TAF2: variants seen among roughly 807,000 people sequenced by gnomAD.
The protein encoded by TAF2 is TATA-box binding protein associated factor 2, also known as transcription initiation factor TFIID subunit 2.
TAF2 carries 61 observed loss-of-function variants against 138.5 expected under a neutral mutation model. The observed-to-expected ratio is 0.44, with a 90% CI of 0.36 to 0.54. TAF2 has a LOEUF of 0.54. Among genes scored for constraint, TAF2 ranks in the 20% least tolerant of loss-of-function variants. The pLI, the probability that TAF2 is intolerant of heterozygous loss-of-function variation, is 0.00. For synonymous variants in TAF2, 475 were observed against 469.9 expected (o/e 1.01, Z -0.14); for missense variants, 1,090 against 1,427.9 (o/e 0.76, Z 3.81).
At chr8:119,829,186 A>G (rs78365579) in intron 2 of TAF2, among the ~76,000 whole-genome samples, 2,563 of 152,262 alleles carry the variant, frequency 0.017, 67 homozygotes, top group African/African-American at 0.059. Context: ...AGTTGCATTA[A>G]CTGGGCTCTA....
rs982194376 is a variant in TAF2, at chr8:119,777,997, T to C, written c.2364+22A>G. 3.9e-6 allele frequency: 5 copies of C among 1,282,894 alleles called. No individual in the cohort carries two copies. The African/African-American group carries it at 7.4e-5, about 19-fold the overall frequency. 79.5% of individuals were successfully genotyped at this position (1,282,894 alleles called of 1,614,324 possible). On this transcript the variant is annotated intron_variant, in intron 18 of 25. Transcript: ENST00000378164. ...TATCTAAGACAACTGTTGTAGAAGA[T>C]TTAAAAATAAAAGTACCTCACCTTA...
chr8:119,793,242 G>C (rs1823566796), intron 10 of TAF2, 124 bp downstream of exon 10: 3 of 755,030 alleles, frequency 4.0e-6, no homozygotes, highest in Admixed American at 2.4e-5. Flanking sequence ...CTTTAGCAAA[G>C]AATAGCAATA....
At chr8:119,746,547 T>C (rs967442723) in intron 23 of TAF2, among the ~76,000 whole-genome samples, 158 bp downstream of exon 23, 4 of 152,144 alleles carry the variant, frequency 2.6e-5, no homozygotes, top group African/African-American at 9.7e-5. Flanking sequence ...CATTTTATAA[T>C]TGGCACAGTA....
chr8:119,779,405 C>T (rs1822488290), intron 17 of TAF2, among the ~76,000 whole-genome samples: 1 of 151,862 alleles, frequency 6.6e-6, no homozygotes, highest in African/African-American at 2.4e-5. Flanking sequence ...TTTCATGATC[C>T]CTTCACTAAT....
In TAF2 at chr8:119,788,804, T is replaced by C. The variant is rs890364137; in HGVS notation, c.1669A>G (p.Thr557Ala). The C allele has an allele frequency of 1.2e-6, 2 of 1,613,128 alleles. No individual in the cohort carries two copies. Among genetic ancestry groups the C allele is most frequent in the Non-Finnish European group, 8.5e-7 (1 of 1,179,136 alleles). ...EIKQDYTSPG[T>A]QKYVGPLKVT... Reference sequence around the variant, plus strand: ...AAAAGACTTACCACGTATTTCTGAGTTCCAGGAGATGTATAGTCCTGTTTT... The same window carrying C: ...AAAAGACTTACCACGTATTTCTGAGCTCCAGGAGATGTATAGTCCTGTTTT... Residue 557 changes from threonine to alanine, a missense_variant, in exon 13 of 26, where the codon ACT becomes GCT. Coordinates refer to ENST00000378164, the MANE Select transcript of TAF2 (RefSeq NM_003184.4).
intron 2 of TAF2, 128 bp from the exon 3 acceptor site, chr8:119,819,634 A>T: frequency 1.4e-6 from 1 of 725,126 alleles, no homozygotes; most frequent in African/African-American, 1.7e-5. Context: ...ACATACATAC[A>T]TATGCTCTCC....
At position 119,732,041 on chromosome 8, in the gene TAF2, A is replaced by T. The variant is rs1447605387; in HGVS notation, c.3483T>A (p.His1161Gln). The T allele has an allele frequency of 6.2e-7, 1 of 1,613,972 alleles. No individual in the cohort carries two copies. ...HHEHKKKKKK[H>Q]KHKHKHKHKH... ...TATGCTTGTGTTTGTGCTTATGTTT[A>T]TGCTTCTTCTTCTTTTTCTTGTGCT... The change falls in exon 26 of 26, where the codon CAT becomes CAA. Residue 1161 changes from histidine to glutamine, a missense_variant. His to Gln is a conservative substitution (Grantham distance 24). Transcript: ENST00000378164.
At position 119,804,036 on chromosome 8, in the gene TAF2, T is replaced by A; in HGVS notation, c.419-17A>T. The A allele has an allele frequency of 2.5e-6, 4 of 1,613,458 alleles. No individual in the cohort carries two copies. The highest frequency in any genetic ancestry group is 3.4e-6 in the Non-Finnish European group (4 of 1,179,780). ...CCTTTAACTCTGCAACAAATAAACA[T>A]ATACACACATTGATACATAAGTTAC... On this transcript the variant is annotated splice_polypyrimidine_tract_variant and intron_variant, in intron 4 of 25. Transcript: ENST00000378164.
chr8:119,742,144 A>G lies in TAF2; in HGVS notation c.3337+390T>C, dbSNP rs976546900. 5.6e-4 allele frequency among the ~76,000 whole-genome samples: 85 copies of G among 152,216 alleles called. 3 individuals are homozygous for G. Among genetic ancestry groups the G allele is most frequent in the Non-Finnish European group, 1.6e-4 (11 of 68,038 alleles). ...TTATGCGTTTATATCTTTTTTATAAAGGTACAAATTAGATGGTTTCTATTG... is the reference window on the plus strand; with the variant it reads ...TTATGCGTTTATATCTTTTTTATAAGGGTACAAATTAGATGGTTTCTATTG... On this transcript the variant is annotated intron_variant, in intron 25 of 25. Transcript: ENST00000378164.
intron 2 of TAF2, among the ~76,000 whole-genome samples, chr8:119,823,662 C>A (rs2131264144): frequency 6.6e-6 from 1 of 152,270 alleles, no homozygotes. Context: ...ATACAGTAAA[C>A]TGCTACCAAC....
At chr8:119,829,896 G>C (rs1269545477) in intron 2 of TAF2, among the ~76,000 whole-genome samples, 4 of 136,674 alleles carry the variant, frequency 2.9e-5, no homozygotes, top group Admixed American at 8.1e-5. Flanking sequence ...GTCTTGCTCC[G>C]TCGCCCAGGC....
intron 14 of TAF2, 49 bp downstream of exon 14, chr8:119,788,289 T>G: frequency 1.5e-3 from 2,270 of 1,491,082 alleles, no homozygotes; most frequent in Non-Finnish European, 1.9e-3. Context: ...TTTTAGTCTG[T>G]GAGATTTGTA....
At chr8:119,795,508 G>T in intron 9 of TAF2, 24 bp downstream of exon 9, 1 of 1,575,192 alleles carries the variant, frequency 6.3e-7, no homozygotes, top group South Asian at 1.1e-5. Flanking sequence ...CTTGTAAGTG[G>T]ATAAGGGATC....
At chr8:119,758,496 T>C (rs1294083450) in intron 20 of TAF2, among the ~76,000 whole-genome samples, 1 of 152,206 alleles carries the variant, frequency 6.6e-6, no homozygotes, top group Admixed American at 6.5e-5. Flanking sequence ...TCTTCCTAGA[T>C]GCTTAAATGA....
At chr8:119,803,645 T>C (rs762624667) in intron 5 of TAF2, among the ~76,000 whole-genome samples, 1 of 147,474 alleles carries the variant, frequency 6.8e-6, no homozygotes, top group Non-Finnish European at 1.5e-5. Flanking sequence ...TGAGCAGAGA[T>C]AGCACCCCAG....
chr8:119,823,168 C>A (rs961307947), intron 2 of TAF2, among the ~76,000 whole-genome samples: 5 of 152,198 alleles, frequency 3.3e-5, no homozygotes, highest in African/African-American at 9.7e-5. Context: ...ATGCTATCCT[C>A]AAATGAATTT....
chr8:119,746,014 A>T (rs1282764221), intron 23 of TAF2, among the ~76,000 whole-genome samples: 1 of 152,178 alleles, frequency 6.6e-6, no homozygotes, highest in Admixed American at 6.5e-5. Context: ...TAAAAAGACA[A>T]GGCCCCTGTT....
At position 119,789,691 on chromosome 8, in the gene TAF2, G is replaced by C. The variant is rs1323346294; in HGVS notation, c.1469C>G (p.Ser490Ter). The change falls in exon 12 of 26, where the codon TCA (serine) becomes TGA (stop). Residue 490 changes from serine to a stop codon, truncating the protein, a stop_gained. Transcript: ENST00000378164. LOFTEE classifies it high-confidence loss of function. ...ASTASSQKFQ[S>*]HMWSQMLVST... ...AACCAACATCTGACTCCACATATGT[G>C]ACTGGAACTTCTGAGATGAAGCAGT... The C allele has an allele frequency of 6.2e-7, 1 of 1,613,864 alleles. No individual in the cohort carries two copies. Among genetic ancestry groups the C allele is most frequent in the Non-Finnish European group, 8.5e-7 (1 of 1,179,946 alleles).
chr8:119,757,367 A>G (rs1420295335), intron 21 of TAF2, among the ~76,000 whole-genome samples: 1 of 152,158 alleles, frequency 6.6e-6, no homozygotes, highest in Non-Finnish European at 1.5e-5. Context: ...TTTCATCTTT[A>G]TATATAAACA....
Sources: gnomAD v4.1 joint callset for allele counts (sites outside exome capture counted in the v4.1 genomes callset) on GRCh38, gnomAD v4.1.1 for gene constraint, MANE v1.5 for transcripts, NCBI Gene and HGNC (gene_info 2026-07-23, HGNC 2026-07-21) for gene names.